Variants in CADM1 observed in about 807,000 individuals in gnomAD.
CADM1 encodes the protein TSLC-1.
Under a neutral mutation model 53.1 loss-of-function variants are expected in CADM1, and 15 were observed. That is an observed-to-expected ratio of 0.28 (90% CI 0.19 to 0.44). CADM1 has a LOEUF of 0.44. Among genes scored for constraint, CADM1 ranks in the 20% least tolerant of loss-of-function variants. The pLI is 1.00. For missense variants in CADM1, 434 were observed against 611.3 expected, an observed-to-expected ratio of 0.71 and a Z score of 3.06; for synonymous variants, 281 against 243.0, an observed-to-expected ratio of 1.16 and a Z score of -1.45.
intron 10 of CADM1, among the ~76,000 whole-genome samples, chr11:115,185,287 T>C (rs1004572284): frequency 1.3e-5 from 2 of 152,210 alleles, no homozygotes; most frequent in South Asian, 2.1e-4. Flanking sequence ...TGGTACTGCA[T>C]ACTCAGCATT....
At chr11:115,446,512 A>G (rs2135337762) in intron 1 of CADM1, among the ~76,000 whole-genome samples, 1 of 152,332 alleles carries the variant, frequency 6.6e-6, no homozygotes, top group Middle Eastern at 3.4e-3. Flanking sequence ...TTAAGATGAG[A>G]GGAGCTTTAT....
intron 1 of CADM1, among the ~76,000 whole-genome samples, chr11:115,308,575 T>C (rs1281521240): frequency 6.6e-6 from 1 of 152,058 alleles, no homozygotes; most frequent in Non-Finnish European, 1.5e-5. Context: ...AGTGATTTTT[T>C]TCACAAAGTA....
At chr11:115,226,712 C>T (rs1941622480) in intron 5 of CADM1, among the ~76,000 whole-genome samples, 1 of 152,300 alleles carries the variant, frequency 6.6e-6, no homozygotes, top group East Asian at 1.9e-4. Flanking sequence ...CAGCACTGGG[C>T]AATGACTGAT....
intron 1 of CADM1, among the ~76,000 whole-genome samples, chr11:115,296,428 ACATCTTGGTGCTG>A (rs990813589): frequency 3.8e-4 from 58 of 152,118 alleles, no homozygotes; most frequent in African/African-American, 1.2e-3. Flanking sequence ...TCCCTCATGA[ACATCTTGGTGCTG>A]GTTCTTGCTG....
chr11:115,493,235 C>T (rs1203160242), intron 1 of CADM1, among the ~76,000 whole-genome samples: 11 of 149,240 alleles, frequency 7.4e-5, no homozygotes, highest in African/African-American at 1.2e-4. Context: ...TGGCCAAATC[C>T]GATGGTAATG....
chr11:115,403,738 A>G (rs544366123), intron 1 of CADM1, among the ~76,000 whole-genome samples: 1 of 152,040 alleles, frequency 6.6e-6, no homozygotes, highest in African/African-American at 2.4e-5. Flanking sequence ...CTAGGACTAC[A>G]GGTGTGTGCC....
intron 1 of CADM1, among the ~76,000 whole-genome samples, chr11:115,371,232 G>A (rs186263747): frequency 7.7e-4 from 117 of 152,170 alleles, no homozygotes; most frequent in African/African-American, 2.7e-3. Context: ...CAATAATAAT[G>A]TATTGTGGGG....
intron 5 of CADM1, among the ~76,000 whole-genome samples, chr11:115,224,731 C>T (rs1256202687): frequency 6.6e-6 from 1 of 152,172 alleles, no homozygotes; most frequent in African/African-American, 2.4e-5. Flanking sequence ...CAGCTTATGT[C>T]GCTATGTGTT....
chr11:115,458,593 C>G (rs1020758919), intron 1 of CADM1, among the ~76,000 whole-genome samples: 5 of 151,388 alleles, frequency 3.3e-5, no homozygotes, highest in African/African-American at 1.2e-4. Context: ...ACAAAAGTCC[C>G]TGGAATCCAC....
At chr11:115,486,391 C>A (rs567107917) in intron 1 of CADM1, among the ~76,000 whole-genome samples, 2 of 152,282 alleles carry the variant, frequency 1.3e-5, no homozygotes, top group East Asian at 3.9e-4. Flanking sequence ...CACTCTGTTG[C>A]CCAGGCTGGA....
chr11:115,182,781 G>T (rs1277390002), intron 10 of CADM1, among the ~76,000 whole-genome samples: 1 of 152,212 alleles, frequency 6.6e-6, no homozygotes, highest in African/African-American at 2.4e-5. Flanking sequence ...AACCCTCCCT[G>T]CCTGTCGTGT....
chr11:115,230,548 A>G (rs1277449956), intron 4 of CADM1, among the ~76,000 whole-genome samples: 1 of 152,230 alleles, frequency 6.6e-6, no homozygotes, highest in Non-Finnish European at 1.5e-5. Flanking sequence ...TGCGGAATTT[A>G]AGATAACTGG....
intron 1 of CADM1, among the ~76,000 whole-genome samples, chr11:115,419,438 T>C (rs1947698637): frequency 1.3e-5 from 2 of 152,196 alleles, no homozygotes; most frequent in Admixed American, 6.5e-5. Context: ...ACCCTTTTGA[T>C]GCCCCTCCCC....
chr11:115,355,133 G>C (rs1483140215), intron 1 of CADM1, among the ~76,000 whole-genome samples: 1 of 152,106 alleles, frequency 6.6e-6, no homozygotes, highest in Admixed American at 6.6e-5. Context: ...GTCATCTCAA[G>C]AGAAATCAAG....
chr11:115,312,187 G>A (rs1248551641), intron 1 of CADM1, among the ~76,000 whole-genome samples: 1 of 152,144 alleles, frequency 6.6e-6, no homozygotes, highest in East Asian at 1.9e-4. Context: ...GTGGCAATTG[G>A]TTAACTACCA....
chr11:115,174,807 G>GTA lies in CADM1; in HGVS notation c.*1666_*1667insTA. The GTA allele has an allele frequency of 1.0e-6, 1 of 971,162 alleles. No individual in the cohort carries two copies. Among genetic ancestry groups the GTA allele is most frequent in the Non-Finnish European group, 1.2e-6 (1 of 817,058 alleles). The allele number at this position is 971,162 out of a possible 1,614,324, so 60.2% of individuals were successfully genotyped here. A position where few individuals can be genotyped will look rare whatever the true frequency, so the allele number is the denominator to read the frequency against. On this transcript the variant is annotated 3_prime_UTR_variant, in exon 12 of 12. Transcript: ENST00000331581. ...ATCTTTCCATAGGGACTGTTAGCTG[G>GTA]AGTCTGGAGTCTTACCAAACATATG... is the stretch of plus-strand genomic sequence containing the variant.
intron 1 of CADM1, among the ~76,000 whole-genome samples, chr11:115,365,730 C>T (rs540419278): frequency 4.3e-4 from 65 of 151,192 alleles, no homozygotes; most frequent in Non-Finnish European, 8.1e-4. Context: ...GTTCTGAGCG[C>T]GGCAAAAAAT....
At chr11:115,462,568 A>G (rs1275299592) in intron 1 of CADM1, among the ~76,000 whole-genome samples, 1 of 152,212 alleles carries the variant, frequency 6.6e-6, no homozygotes, top group Non-Finnish European at 1.5e-5. Context: ...ATAACACCAG[A>G]GCAGAGCCCC....
intron 1 of CADM1, among the ~76,000 whole-genome samples, chr11:115,395,820 T>A (rs1036605893): frequency 2.6e-5 from 4 of 152,206 alleles, no homozygotes; most frequent in Non-Finnish European, 5.9e-5. Flanking sequence ...TGTAGCTAAT[T>A]TCCTAATTTT....
Sources: gnomAD v4.1 joint callset for allele counts (sites outside exome capture counted in the v4.1 genomes callset) on GRCh38, gnomAD v4.1.1 for gene constraint, MANE v1.5 for transcripts, NCBI Gene and HGNC (gene_info 2026-07-23, HGNC 2026-07-21) for gene names.